Variants in TNS1 observed in about 807,000 individuals in gnomAD.
TNS1 encodes the protein tensin-1.
TNS1 carries 62 observed loss-of-function variants against 168.6 expected under a neutral mutation model. The ratio of observed to expected loss-of-function variants is 0.37; its 90% confidence interval spans 0.30 to 0.45. The LOEUF (loss-of-function observed/expected upper bound fraction) is 0.45. Among genes scored for constraint, TNS1 ranks in the 20% least tolerant of loss-of-function variants. The pLI is 1.00. For synonymous variants in TNS1, 934 were observed against 933.2 expected (o/e 1.00, Z -0.02); for missense variants, 2,240 against 2,339.4 (o/e 0.96, Z 0.88).
At chr2:218,007,266 G>T (rs1958666562), upstream of TNS1, among the ~76,000 whole-genome samples, 2 of 152,156 alleles carry the variant, frequency 1.3e-5, no homozygotes, top group Admixed American at 1.3e-4. Flanking sequence ...CCCCAGGAAA[G>T]ATTAATACCA....
At chr2:218,027,833 G>C (rs1958863040) in intron 1 of TNS1, among the ~76,000 whole-genome samples, 2 of 152,190 alleles carry the variant, frequency 1.3e-5, no homozygotes, top group South Asian at 4.1e-4. Flanking sequence ...GGCTTCCCCA[G>C]TGCATAGCCA....
upstream of TNS1, among the ~76,000 whole-genome samples, chr2:218,006,483 C>T (rs972988542): frequency 6.6e-6 from 1 of 152,246 alleles, no homozygotes; most frequent in Non-Finnish European, 1.5e-5. Context: ...CCTACCAGGG[C>T]GTTAAGCCTT....
At chr2:217,940,720 T>C (rs1003205525) in intron 3 of TNS1, among the ~76,000 whole-genome samples, 1 of 152,126 alleles carries the variant, frequency 6.6e-6, no homozygotes, top group Non-Finnish European at 1.5e-5. Flanking sequence ...TCACCCTCTC[T>C]GGTCAGGAGA....
intron 18 of TNS1, among the ~76,000 whole-genome samples, chr2:217,873,603 C>T (rs1300665450): frequency 2.0e-5 from 3 of 152,232 alleles, no homozygotes; most frequent in African/African-American, 7.2e-5. Flanking sequence ...TCCATGAGGG[C>T]CACCTGCAGG....
intron 1 of TNS1, among the ~76,000 whole-genome samples, chr2:218,002,625 A>G (rs1958587523): frequency 6.6e-6 from 1 of 151,652 alleles, no homozygotes; most frequent in Non-Finnish European, 1.5e-5. Context: ...CTGACCCGGG[A>G]CCCTGGGCCT....
At chr2:217,980,418 T>A (rs1575155591) in intron 2 of TNS1, among the ~76,000 whole-genome samples, 1 of 151,308 alleles carries the variant, frequency 6.6e-6, no homozygotes, top group East Asian at 2.0e-4. Flanking sequence ...CCCCACCCCA[T>A]CCAAATAGAG....
intron 28 of TNS1, 78 bp downstream of exon 28, chr2:217,812,290 G>T: frequency 7.9e-7 from 1 of 1,258,026 alleles, no homozygotes; most frequent in African/African-American, 1.5e-5. Flanking sequence ...CCCATGTCCG[G>T]AGTGGCTGGC....
At chr2:218,010,397 C>T (rs937459229) in exon 1 of TNS1, 2 of 389,108 alleles carry the variant, frequency 5.1e-6, no homozygotes, top group Non-Finnish European at 9.1e-6. Flanking sequence ...CGCGGGAGGC[C>T]CGCGGCGCGG....
At chr2:217,876,070 C>T (rs1461107360) in intron 18 of TNS1, among the ~76,000 whole-genome samples, 2 of 152,162 alleles carry the variant, frequency 1.3e-5, no homozygotes, top group Admixed American at 1.3e-4. Context: ...ACCCCTGTTC[C>T]CATCCTCTCT....
At chr2:217,949,476 T>G (rs1015219185) in intron 3 of TNS1, among the ~76,000 whole-genome samples, 1 of 152,226 alleles carries the variant, frequency 6.6e-6, no homozygotes, top group Non-Finnish European at 1.5e-5. Context: ...TTGAGGCTTC[T>G]AGACCAGATA....
At chr2:217,854,219 C>T (rs1947852689) in intron 18 of TNS1, among the ~76,000 whole-genome samples, 1 of 152,184 alleles carries the variant, frequency 6.6e-6, no homozygotes, top group Admixed American at 6.5e-5. Context: ...AACCCCACTT[C>T]TCTTCCTCAT....
intron 3 of TNS1, among the ~76,000 whole-genome samples, chr2:217,938,126 G>A (rs988813865): frequency 6.6e-6 from 1 of 152,182 alleles, no homozygotes; most frequent in Non-Finnish European, 1.5e-5. Context: ...CTCCCCAGCT[G>A]TCATCATCAT....
At chr2:217,879,353 T>C in intron 18 of TNS1, 3 of 416,784 alleles carry the variant, frequency 7.2e-6, no homozygotes, top group Non-Finnish European at 1.4e-5. Flanking sequence ...AACGACCAAT[T>C]AGGCTGGCAG....
intron 4 of TNS1, among the ~76,000 whole-genome samples, chr2:217,918,472 C>T (rs1955356368): frequency 6.6e-6 from 1 of 152,192 alleles, no homozygotes; most frequent in African/African-American, 2.4e-5. Flanking sequence ...AGGCGGGGCA[C>T]CTCACAGAGA....
chr2:217,970,509 A>G (rs555707273), intron 3 of TNS1, among the ~76,000 whole-genome samples: 1 of 152,324 alleles, frequency 6.6e-6, no homozygotes, highest in African/African-American at 2.4e-5. Context: ...ATGTCCACCA[A>G]CTGATGAATG....
At chr2:217,826,996 C>G (rs1371215514) in intron 22 of TNS1, among the ~76,000 whole-genome samples, 1 of 152,174 alleles carries the variant, frequency 6.6e-6, no homozygotes, top group East Asian at 1.9e-4. Flanking sequence ...TGGAAACCCC[C>G]AGGTCCCAGA....
chr2:217,885,862 G>A (rs1452013223), intron 14 of TNS1, 43 bp from the exon 15 acceptor site: 1 of 1,600,640 alleles, frequency 6.2e-7, no homozygotes, highest in South Asian at 1.1e-5. Context: ...GCTGCTGGAG[G>A]GGAGATGAGG....
rs781250276 is a variant in TNS1 at position 217,818,709 on chromosome 2, C to T, written c.3623G>A (p.Arg1208Gln). 5.6e-6 allele frequency: 9 copies of T among 1,613,884 alleles called. No individual in the cohort carries two copies. Among genetic ancestry groups the T allele is most frequent in the Middle Eastern group, 1.7e-4 (1 of 6,044 alleles). Reference sequence around the variant, plus strand: ...CTCCAACAGAGGCTGGGTGGGCGTCCGGGGACCCTGGTCACTGCTCTCTCC... The same window carrying T: ...CTCCAACAGAGGCTGGGTGGGCGTCTGGGGACCCTGGTCACTGCTCTCTCC... ...PSGESSDQGP[R>Q]TPTQPLLESG... Residue 1208 changes from arginine (R) to glutamine (Q), a missense_variant, in exon 24 of 33, where the codon CGG becomes CAG. By Grantham distance (43) the Arg-to-Gln change is conservative. This residue lies in a region of TNS1 where 2,131 missense variants were observed against 2,171.2 expected (regional missense o/e 0.98). Transcript: ENST00000682258.
intron 7 of TNS1, among the ~76,000 whole-genome samples, chr2:217,899,147 C>T (rs1952654025): frequency 6.6e-6 from 1 of 152,164 alleles, no homozygotes; most frequent in South Asian, 2.1e-4. Flanking sequence ...CAGACCTCCA[C>T]CAGGGTTCAA....
Sources: gnomAD v4.1 joint callset for allele counts (sites outside exome capture counted in the v4.1 genomes callset) on GRCh38, gnomAD v4.1.1 for gene constraint, gnomAD v4.1.1 regional missense constraint, MANE v1.5 for transcripts, NCBI Gene and HGNC (gene_info 2026-07-23, HGNC 2026-07-21) for gene names.